The following AUTS2 variants were observed in gnomAD, a reference collection of about 807,000 sequenced individuals.
AUTS2 encodes the protein autism susceptibility gene 2 protein.
Under a neutral mutation model 112.4 loss-of-function variants are expected in AUTS2, and 17 were observed. The ratio of observed to expected loss-of-function variants is 0.15; its 90% CI spans 0.10 to 0.23. The LOEUF is 0.23. Ranked by LOEUF, AUTS2 falls within the 10% of genes least tolerant of loss-of-function variation. The pLI is 1.00. For synonymous variants in AUTS2, 751 were observed against 702.7 expected (o/e 1.07, Z -1.09); for missense variants, 1,510 against 1,701.6 (o/e 0.89, Z 1.98).
chr7:70,416,872 C>T (rs1795008751), intron 4 of AUTS2, among the ~76,000 whole-genome samples: 1 of 152,184 alleles, frequency 6.6e-6, no homozygotes, highest in African/African-American at 2.4e-5. Context: ...CTGCAAGGTA[C>T]AGCAGCCCAC....
intron 4 of AUTS2, among the ~76,000 whole-genome samples, chr7:70,289,299 A>G (rs1398204228): frequency 1.3e-5 from 2 of 152,232 alleles, no homozygotes. Flanking sequence ...GTAACTGCAT[A>G]AGAATCCAGT....
At chr7:70,492,582 G>A (rs1338388623) in intron 5 of AUTS2, among the ~76,000 whole-genome samples, 1 of 152,178 alleles carries the variant, frequency 6.6e-6, no homozygotes, top group African/African-American at 2.4e-5. Flanking sequence ...AAACAAAAGA[G>A]CTGAAGCCTA....
intron 4 of AUTS2, among the ~76,000 whole-genome samples, chr7:70,137,938 A>C (rs1309622194): frequency 6.6e-6 from 1 of 152,070 alleles, no homozygotes; most frequent in Non-Finnish European, 1.5e-5. Flanking sequence ...TTGATCAGTT[A>C]TTTACATTTT....
chr7:70,596,996 C>T (rs1159282899), intron 5 of AUTS2, among the ~76,000 whole-genome samples: 1 of 151,878 alleles, frequency 6.6e-6, no homozygotes, highest in African/African-American at 2.4e-5. Context: ...ACACTGAATT[C>T]TTCAGTTTAA....
chr7:70,595,167 C>T (rs968300741), intron 5 of AUTS2, among the ~76,000 whole-genome samples: 8 of 152,248 alleles, frequency 5.3e-5, no homozygotes, highest in African/African-American at 9.6e-5. Context: ...CTGCAGCAAC[C>T]GCTGTTAGGG....
chr7:69,803,086 CT>C (rs2063945730), intron 1 of AUTS2, among the ~76,000 whole-genome samples: 2 of 152,212 alleles, frequency 1.3e-5, no homozygotes, highest in Non-Finnish European at 1.5e-5. Context: ...CCAAGTTCAG[CT>C]GTTGTTACTG....
At chr7:70,084,673 A>T (rs998433782) in intron 2 of AUTS2, among the ~76,000 whole-genome samples, 4 of 152,104 alleles carry the variant, frequency 2.6e-5, no homozygotes, top group Non-Finnish European at 5.9e-5. Flanking sequence ...TCATCTGTAT[A>T]TCTTTTTTGG....
chr7:70,576,234 G>A (rs906488882), intron 5 of AUTS2, among the ~76,000 whole-genome samples: 3 of 152,040 alleles, frequency 2.0e-5, no homozygotes, highest in Non-Finnish European at 4.4e-5. Flanking sequence ...CAAGTTCAAG[G>A]CCTACAAGAG....
chr7:70,578,610 G>A (rs1802283348), intron 5 of AUTS2, among the ~76,000 whole-genome samples: 1 of 152,192 alleles, frequency 6.6e-6, no homozygotes. Context: ...TGAGTTCACT[G>A]TAAAGTGAAA....
intron 4 of AUTS2, among the ~76,000 whole-genome samples, chr7:70,314,439 C>T (rs1789903370): frequency 6.6e-6 from 1 of 152,204 alleles, no homozygotes; most frequent in Non-Finnish European, 1.5e-5. Flanking sequence ...GACATTCTTG[C>T]ATGTGCTTTT....
chr7:70,592,785 T>C (rs1803011175), intron 5 of AUTS2, among the ~76,000 whole-genome samples: 1 of 152,230 alleles, frequency 6.6e-6, no homozygotes. Flanking sequence ...TTAATGTTTG[T>C]TGAACATAAA....
chr7:70,613,494 A>G (rs1262868415), intron 5 of AUTS2, among the ~76,000 whole-genome samples: 2 of 152,154 alleles, frequency 1.3e-5, no homozygotes, highest in African/African-American at 4.8e-5. Flanking sequence ...GTGAGAACTC[A>G]TTAAGTCTCC....
At chr7:70,352,948 C>T (rs1791834164) in intron 4 of AUTS2, among the ~76,000 whole-genome samples, 1 of 152,160 alleles carries the variant, frequency 6.6e-6, no homozygotes, top group African/African-American at 2.4e-5. Flanking sequence ...GCAAAGAAAA[C>T]AGCATCTGCA....
chr7:70,768,733 C>G (rs974955854), intron 10 of AUTS2, among the ~76,000 whole-genome samples: 1 of 152,014 alleles, frequency 6.6e-6, no homozygotes, highest in South Asian at 2.1e-4. Context: ...ATTGATAACA[C>G]CCTAAGTTAT....
At chr7:70,001,843 T>A (rs943288768) in intron 2 of AUTS2, among the ~76,000 whole-genome samples, 1 of 151,870 alleles carries the variant, frequency 6.6e-6, no homozygotes, top group African/African-American at 2.4e-5. Flanking sequence ...CCTGAGTAGC[T>A]GGGATTACAA....
intron 1 of AUTS2, among the ~76,000 whole-genome samples, chr7:69,836,443 A>G (rs1256266441): frequency 6.6e-6 from 1 of 152,228 alleles, no homozygotes; most frequent in Non-Finnish European, 1.5e-5. Flanking sequence ...TATATTCCGA[A>G]GAATTCATGT....
Position 69,787,334 on chromosome 7 carries a change from A to G in AUTS2, c.310-111952A>G, listed in dbSNP as rs1253384386. On this transcript the variant is annotated intron_variant, in intron 1 of 18. Coordinates refer to ENST00000342771, the MANE Select transcript of AUTS2 (RefSeq NM_015570.4). ...CTTTATTAAGAAACAAGGAAAATCTAGACACTCTTTTTCTGTCATAGAAAG... is the reference window on the plus strand; with the variant it reads ...CTTTATTAAGAAACAAGGAAAATCTGGACACTCTTTTTCTGTCATAGAAAG... Among the ~76,000 whole-genome samples, 4 of 152,230 alleles carry G rather than the reference A, an allele frequency of 2.6e-5. No homozygotes were observed. The South Asian group carries it at 6.2e-4, about 24-fold the overall frequency.
chr7:70,302,154 T>C (rs1789246715), intron 4 of AUTS2, among the ~76,000 whole-genome samples: 1 of 152,196 alleles, frequency 6.6e-6, no homozygotes, highest in Admixed American at 6.5e-5. Flanking sequence ...CTCATGCTTG[T>C]AATCCCAGCA....
chr7:69,921,935 ATGCCTGTAATC>A (rs1165333040), intron 2 of AUTS2, among the ~76,000 whole-genome samples: 1 of 151,372 alleles, frequency 6.6e-6, no homozygotes, highest in Non-Finnish European at 1.5e-5. Context: ...ATGGTGGCAC[ATGCCTGTAATC>A]CCAGCTGCTT....
Sources: allele counts gnomAD v4.1 joint callset (sites outside exome capture counted in the v4.1 genomes callset), GRCh38; gene constraint gnomAD v4.1.1; transcripts MANE v1.5; gene names NCBI Gene and HGNC (gene_info 2026-07-23, HGNC 2026-07-21).